The following IDO2 variants were observed in gnomAD, a reference collection of about 807,000 sequenced individuals.
IDO2 encodes the protein indoleamine 2,3-dioxygenase-like 1 protein.
IDO2 carries 46 observed loss-of-function variants against 45.1 expected under a neutral mutation model. The ratio of observed to expected loss-of-function variants is 1.02; its 90% CI spans 0.80 to 1.30. The LOEUF is 1.30. Among genes scored for constraint, IDO2 ranks in the 50% most tolerant of loss-of-function variants. IDO2 has a pLI of 0.00. For missense variants in IDO2, 544 were observed against 491.8 expected (o/e 1.11, Z -1.00); for synonymous variants, 218 against 184.9 (o/e 1.18, Z -1.45).
intron 4 of IDO2, among the ~76,000 whole-genome samples, chr8:39,979,739 C>T (rs1808313961): frequency 6.6e-6 from 1 of 152,194 alleles, no homozygotes; most frequent in South Asian, 2.1e-4. Context: ...GCTATTTCTT[C>T]CTTTTATAAG....
In IDO2 at chr8:39,934,891, C is replaced by G. The variant is rs1807522262; in HGVS notation, c.-345C>G. 1.2e-5 allele frequency: 6 copies of G among 509,562 alleles called. No homozygotes were observed. In the South Asian group the frequency reaches 1.4e-4, roughly 12 times the overall value. 31.6% of individuals were successfully genotyped at this position (509,562 alleles called of 1,614,324 possible). A position where few individuals can be genotyped will look rare whatever the true frequency, so the allele number is the denominator to read the frequency against. On this transcript the variant is annotated 5_prime_UTR_variant, in exon 1 of 11. Coordinates refer to ENST00000502986, the Ensembl canonical transcript of IDO2. ...GAGAATTTTAAAGTTGGAAATCTGCCTGGTAAGGGATCATTTGCTGGTGTC... is the reference window on the plus strand; with the variant it reads ...GAGAATTTTAAAGTTGGAAATCTGCGTGGTAAGGGATCATTTGCTGGTGTC...
chr8:39,966,649 T>C (rs1275274214), intron 3 of IDO2, among the ~76,000 whole-genome samples: 1 of 152,230 alleles, frequency 6.6e-6, no homozygotes, highest in East Asian at 1.9e-4. Flanking sequence ...TACCTATCTG[T>C]ATCTTGAAAC....
chr8:39,937,179 C>T (rs1259152307), intron 1 of IDO2, among the ~76,000 whole-genome samples: 1 of 152,176 alleles, frequency 6.6e-6, no homozygotes, highest in Non-Finnish European at 1.5e-5. Flanking sequence ...GTTTGAGTGA[C>T]ACAGTAAACT....
At chr8:39,969,701 T>G (rs1209518196) in intron 3 of IDO2, among the ~76,000 whole-genome samples, 1 of 152,016 alleles carries the variant, frequency 6.6e-6, no homozygotes, top group Non-Finnish European at 1.5e-5. Flanking sequence ...ATGGCGAAAC[T>G]CTGTCTTGAC....
intron 3 of IDO2, among the ~76,000 whole-genome samples, chr8:39,966,994 T>C (rs1245401656): frequency 1.3e-5 from 2 of 152,184 alleles, no homozygotes; most frequent in Non-Finnish European, 2.9e-5. Context: ...AAAGCTGATA[T>C]ATAAAAAGAA....
intron 1 of IDO2, among the ~76,000 whole-genome samples, chr8:39,939,573 GGAAAGAAA>G (rs1350834900): frequency 9.4e-6 from 1 of 106,826 alleles, no homozygotes; most frequent in Admixed American, 9.5e-5. Context: ...AAAAAAAAAA[GGAAAGAAA>G]GAAAGAAAGA....
intron 3 of IDO2, among the ~76,000 whole-genome samples, chr8:39,972,694 T>C (rs931248130): frequency 2.0e-5 from 3 of 150,056 alleles, no homozygotes; most frequent in Non-Finnish European, 3.0e-5. Context: ...GATAAATCTC[T>C]TGTGAAAGGA....
intron 4 of IDO2, among the ~76,000 whole-genome samples, chr8:39,979,505 C>G (rs750085259): frequency 2.0e-5 from 3 of 152,034 alleles, no homozygotes; most frequent in Non-Finnish European, 2.9e-5. Context: ...AGGCACCCAC[C>G]ACCACACCTG....
At chr8:39,994,908 A>G (rs1046376294) in intron 8 of IDO2, among the ~76,000 whole-genome samples, 4 of 152,230 alleles carry the variant, frequency 2.6e-5, no homozygotes, top group Non-Finnish European at 5.9e-5. Context: ...CTAAAAAACT[A>G]TATGATGTTA....
chr8:40,016,006 A>C, exon 11 of IDO2: 1 of 384,104 alleles, frequency 2.6e-6, no homozygotes, highest in Non-Finnish European at 4.6e-6. Context: ...GTTCATACTG[A>C]GCACTGCCTC....
At chr8:39,950,868 C>T (rs1807804423) in intron 2 of IDO2, among the ~76,000 whole-genome samples, 1 of 152,162 alleles carries the variant, frequency 6.6e-6, no homozygotes. Context: ...TCTGTCCAGA[C>T]ATGCCGGAGC....
At chr8:39,961,018 C>T (rs569795601) in intron 2 of IDO2, among the ~76,000 whole-genome samples, 2 of 152,240 alleles carry the variant, frequency 1.3e-5, no homozygotes, top group South Asian at 2.1e-4. Flanking sequence ...CTCCTGACCT[C>T]GTGATCTGCC....
intron 2 of IDO2, among the ~76,000 whole-genome samples, chr8:39,950,427 G>A (rs964452250): frequency 6.6e-6 from 1 of 152,180 alleles, no homozygotes; most frequent in Non-Finnish European, 1.5e-5. Flanking sequence ...AGCTATTGGG[G>A]AGGCTGAGGC....
At chr8:39,977,968 TCA>T (rs2129594322) in intron 3 of IDO2, among the ~76,000 whole-genome samples, 2 of 152,342 alleles carry the variant, frequency 1.3e-5, no homozygotes, top group South Asian at 4.1e-4. Context: ...AATTACACTT[TCA>T]GTTATTTTTA....
At chr8:39,989,420 A>T (rs1386888381) in intron 7 of IDO2, among the ~76,000 whole-genome samples, 1 of 152,156 alleles carries the variant, frequency 6.6e-6, no homozygotes, top group Admixed American at 6.5e-5. Context: ...AGTAGAACTG[A>T]TCATAACGTG....
At chr8:39,944,215 A>T (rs1807698228) in intron 1 of IDO2, among the ~76,000 whole-genome samples, 1 of 152,174 alleles carries the variant, frequency 6.6e-6, no homozygotes, top group South Asian at 2.1e-4. Flanking sequence ...ACAAAAAGGT[A>T]GGGTCTTCGG....
intron 1 of IDO2, among the ~76,000 whole-genome samples, chr8:39,946,320 ACT>A (rs1807729070): frequency 6.6e-6 from 1 of 151,636 alleles, no homozygotes; most frequent in South Asian, 2.1e-4. Context: ...GTCCTTAAAA[ACT>A]CTGCTCCCAC....
intron 1 of IDO2, among the ~76,000 whole-genome samples, chr8:39,947,621 CA>C (rs1158946243): frequency 2.0e-5 from 3 of 152,116 alleles, no homozygotes; most frequent in Non-Finnish European, 4.4e-5. Flanking sequence ...CCATTCCAGC[CA>C]ACGGAAACTG....
intron 5 of IDO2, chr8:39,984,823 A>T: frequency 2.7e-6 from 1 of 369,728 alleles, no homozygotes; most frequent in Non-Finnish European, 5.2e-6. Flanking sequence ...GATGAGGCAG[A>T]ACTTGATGTA....
Sources: allele counts gnomAD v4.1 joint callset (sites outside exome capture counted in the v4.1 genomes callset), GRCh38; gene constraint gnomAD v4.1.1; transcripts MANE v1.5; gene names NCBI Gene and HGNC (gene_info 2026-07-23, HGNC 2026-07-21).